AFF3: variants seen among roughly 807,000 people sequenced by gnomAD.
The protein encoded by AFF3 is ALF transcription elongation factor 3.
Under a neutral mutation model 129.7 loss-of-function variants are expected in AFF3, and 32 were observed. The observed-to-expected ratio is 0.25, with a 90% confidence interval of 0.19 to 0.33. The LOEUF is 0.33. AFF3 is among the 10% of genes least tolerant of loss of function. The pLI is 1.00. For missense variants in AFF3, 1,373 were observed against 1,592.0 expected, an observed-to-expected ratio of 0.86 and a Z score of 2.34; for synonymous variants, 644 against 635.4, an observed-to-expected ratio of 1.01 and a Z score of -0.20.
intron 8 of AFF3, among the ~76,000 whole-genome samples, chr2:99,806,560 AC>A (rs771428984): frequency 1.3e-5 from 2 of 152,132 alleles, no homozygotes; most frequent in Admixed American, 6.5e-5. Flanking sequence ...ACCACTCCAG[AC>A]TTGATGGGGG....
intron 8 of AFF3, among the ~76,000 whole-genome samples, chr2:99,799,726 T>C (rs536587888): frequency 6.6e-6 from 1 of 152,250 alleles, no homozygotes; most frequent in African/African-American, 2.4e-5. Context: ...CATACAGCTA[T>C]AGTGACCAAG....
chr2:99,628,871 C>T (rs956570232), intron 13 of AFF3, among the ~76,000 whole-genome samples: 6 of 152,128 alleles, frequency 3.9e-5, no homozygotes, highest in African/African-American at 1.4e-4. Context: ...CAGGCGCGTG[C>T]CACCATGCCC....
chr2:99,809,804 C>T (rs371313489), intron 8 of AFF3, among the ~76,000 whole-genome samples: 19 of 152,336 alleles, frequency 1.2e-4, no homozygotes, highest in African/African-American at 4.6e-4. Flanking sequence ...TGATTTTTTG[C>T]AAGCTTCTTA....
intron 7 of AFF3, among the ~76,000 whole-genome samples, chr2:99,902,660 T>G (rs578169162): frequency 1.3e-4 from 20 of 152,300 alleles, no homozygotes; most frequent in Non-Finnish European, 2.4e-4. Context: ...ACCTCCAAAT[T>G]TAACCTTCTT....
intron 7 of AFF3, among the ~76,000 whole-genome samples, chr2:99,960,680 A>G (rs1018984309): frequency 1.3e-5 from 2 of 151,996 alleles, no homozygotes; most frequent in African/African-American, 2.4e-5. Context: ...CTCCTGTCCT[A>G]TCCTTTGTGC....
At chr2:99,965,535 A>T (rs941699200) in intron 7 of AFF3, among the ~76,000 whole-genome samples, 36 of 152,258 alleles carry the variant, frequency 2.4e-4, no homozygotes, top group Admixed American at 2.4e-3. Flanking sequence ...TTATGGTTGT[A>T]CACAGGTCTG....
At chr2:99,748,930 C>T (rs1486282731) in intron 9 of AFF3, among the ~76,000 whole-genome samples, 1 of 152,176 alleles carries the variant, frequency 6.6e-6, no homozygotes, top group Non-Finnish European at 1.5e-5. Context: ...CTCACTGCTT[C>T]TGTGTGTCGA....
intron 8 of AFF3, among the ~76,000 whole-genome samples, chr2:99,797,889 C>A (rs1000078404): frequency 6.6e-6 from 1 of 152,002 alleles, no homozygotes; most frequent in African/African-American, 2.4e-5. Flanking sequence ...CCAGCAGATC[C>A]GCACTATGGA....
At chr2:99,617,905 T>G (rs897228784) in intron 13 of AFF3, among the ~76,000 whole-genome samples, 1 of 152,052 alleles carries the variant, frequency 6.6e-6, no homozygotes, top group African/African-American at 2.4e-5. Context: ...AGGAGAGAGG[T>G]TGAAGCCCAG....
At chr2:99,909,611 TAA>T (rs143706151) in intron 7 of AFF3, among the ~76,000 whole-genome samples, 5 of 136,806 alleles carry the variant, frequency 3.7e-5, no homozygotes, top group African/African-American at 1.3e-4. Context: ...ATAATAATAA[TAA>T]AAAAAAAAGA....
intron 7 of AFF3, among the ~76,000 whole-genome samples, chr2:99,935,750 G>T (rs1356371137): frequency 6.6e-6 from 1 of 152,096 alleles, no homozygotes; most frequent in African/African-American, 2.4e-5. Context: ...ATTTTGGCAG[G>T]GTCTGCCCTC....
At chr2:99,982,355 C>T (rs1314318291) in intron 7 of AFF3, among the ~76,000 whole-genome samples, 1 of 152,170 alleles carries the variant, frequency 6.6e-6, no homozygotes, top group Admixed American at 6.5e-5. Context: ...TTGCCTGCTG[C>T]CATCCACGTA....
At chr2:99,844,195 A>AG (rs2105829771) in intron 7 of AFF3, among the ~76,000 whole-genome samples, 1 of 152,352 alleles carries the variant, frequency 6.6e-6, no homozygotes, top group Non-Finnish European at 1.5e-5. Context: ...CAATGTACGA[A>AG]GAGGAGCAAA....
intron 20 of AFF3, among the ~76,000 whole-genome samples, chr2:99,564,681 T>A (rs1675801870): frequency 6.6e-6 from 1 of 152,208 alleles, no homozygotes; most frequent in African/African-American, 2.4e-5. Flanking sequence ...CTAAGATGAT[T>A]AGAAATCTTC....
intron 4 of AFF3, among the ~76,000 whole-genome samples, chr2:100,100,893 C>T (rs994295321): frequency 2.6e-5 from 4 of 152,238 alleles, no homozygotes; most frequent in Non-Finnish European, 4.4e-5. Flanking sequence ...CCTTGTGCCT[C>T]TGCATATCTG....
intron 13 of AFF3, among the ~76,000 whole-genome samples, chr2:99,603,042 A>T (rs1396072465): frequency 6.6e-6 from 1 of 152,174 alleles, no homozygotes; most frequent in Non-Finnish European, 1.5e-5. Context: ...CACGGTCCAC[A>T]CTGATTGTCT....
chr2:100,124,223 G>A (rs1223760757), intron 2 of AFF3, among the ~76,000 whole-genome samples: 2 of 152,102 alleles, frequency 1.3e-5, no homozygotes, highest in Non-Finnish European at 1.5e-5. Context: ...CAAGGCTGGA[G>A]TTGAAAAAAA....
chr2:99,875,576 G>A (rs557488527), intron 7 of AFF3, among the ~76,000 whole-genome samples: 1 of 152,304 alleles, frequency 6.6e-6, no homozygotes, highest in South Asian at 2.1e-4. Context: ...TTAGCTGAAT[G>A]AATGAACAGA....
chr2:99,777,875 G>A (rs1204608201), intron 8 of AFF3, among the ~76,000 whole-genome samples: 1 of 143,264 alleles, frequency 7.0e-6, no homozygotes, highest in Non-Finnish European at 1.5e-5. Context: ...GTACACCCTG[G>A]CCCTGGGAGC....
Sources: gnomAD v4.1 joint callset for allele counts (sites outside exome capture counted in the v4.1 genomes callset) on GRCh38, gnomAD v4.1.1 for gene constraint, MANE v1.5 for transcripts, NCBI Gene and HGNC (gene_info 2026-07-23, HGNC 2026-07-21) for gene names.